The following CTNNA2 variants were observed in gnomAD, a reference collection of about 807,000 sequenced individuals.
The protein encoded by CTNNA2 is catenin alpha-2.
CTNNA2 carries 42 observed loss-of-function variants against 101.0 expected under a neutral mutation model. That is an observed-to-expected ratio of 0.42 (90% CI 0.32 to 0.54). The LOEUF is 0.54. CTNNA2 is among the 20% of genes least tolerant of loss of function. The pLI is 0.14. For synonymous variants in CTNNA2, 450 were observed against 456.4 expected (o/e 0.99, Z 0.18); for missense variants, 871 against 1,223.1 (o/e 0.71, Z 4.29).
At chr2:80,561,728 T>C (rs954500810) in intron 12 of CTNNA2, among the ~76,000 whole-genome samples, 9 of 152,172 alleles carry the variant, frequency 5.9e-5, no homozygotes, top group Non-Finnish European at 5.9e-5. Flanking sequence ...AATGGCAGTC[T>C]CTGCTCACTG....
intron 7 of CTNNA2, among the ~76,000 whole-genome samples, chr2:80,042,634 C>T (rs1696144065): frequency 6.6e-6 from 1 of 152,070 alleles, no homozygotes; most frequent in Non-Finnish European, 1.5e-5. Context: ...GAAAATGGAC[C>T]ATGGCCGATT....
chr2:80,210,953 T>G (rs1707852043), intron 7 of CTNNA2, among the ~76,000 whole-genome samples: 1 of 152,246 alleles, frequency 6.6e-6, no homozygotes, highest in African/African-American at 2.4e-5. Context: ...GATTTGCATT[T>G]CTCTGATGGC....
At chr2:79,240,228 T>TAA (rs1674609821) in intron 2 of CTNNA2, among the ~76,000 whole-genome samples, 1 of 150,338 alleles carries the variant, frequency 6.7e-6, no homozygotes, top group East Asian at 2.0e-4. Flanking sequence ...TTTTTTTTTT[T>TAA]AAACTTTTAA....
At chr2:79,920,611 A>G (rs139400467) in intron 7 of CTNNA2, among the ~76,000 whole-genome samples, 2,218 of 152,312 alleles carry the variant, frequency 0.015, 67 homozygotes, top group African/African-American at 0.051. Flanking sequence ...TTGGAACCCA[A>G]TGATTGATCT....
At chr2:79,699,832 C>CACACACGT (rs1553453392) in intron 2 of CTNNA2, among the ~76,000 whole-genome samples, 78 of 137,456 alleles carry the variant, frequency 5.7e-4, no homozygotes, top group African/African-American at 1.9e-3. Context: ...CACACACACA[C>CACACACGT]GTGTGTGTAT....
chr2:79,563,161 GTA>G (rs71385287), intron 1 of CTNNA2, among the ~76,000 whole-genome samples: 28,846 of 78,402 alleles, frequency 0.37, 3,370 homozygotes, highest in Admixed American at 0.51. Flanking sequence ...ATAAAGATGT[GTA>G]TATATATATA....
chr2:80,131,196 C>A (rs191584241), intron 7 of CTNNA2, among the ~76,000 whole-genome samples: 26 of 152,222 alleles, frequency 1.7e-4, no homozygotes, highest in Admixed American at 1.2e-3. Context: ...GTAGCCAGGA[C>A]TATTGGCGTG....
intron 3 of CTNNA2, among the ~76,000 whole-genome samples, chr2:79,363,899 G>T (rs1193307730): frequency 6.6e-6 from 1 of 152,190 alleles, no homozygotes; most frequent in Non-Finnish European, 1.5e-5. Flanking sequence ...AGAGAAGCAG[G>T]TCAAAGAGGA....
intron 1 of CTNNA2, among the ~76,000 whole-genome samples, chr2:79,644,851 T>C (rs1023921261): frequency 2.0e-5 from 3 of 152,210 alleles, no homozygotes; most frequent in African/African-American, 7.2e-5. Context: ...TCCTTACCTC[T>C]ATTGCCTCCC....
At chr2:79,214,360 G>T (rs1274626270) in intron 2 of CTNNA2, among the ~76,000 whole-genome samples, 1 of 152,124 alleles carries the variant, frequency 6.6e-6, no homozygotes, top group African/African-American at 2.4e-5. Context: ...GGATTGTGGA[G>T]GGAGGTATTG....
chr2:79,706,563 T>A (rs536664334), intron 2 of CTNNA2, among the ~76,000 whole-genome samples: 2 of 152,082 alleles, frequency 1.3e-5, no homozygotes, highest in African/African-American at 2.4e-5. Flanking sequence ...CTTGCCATCA[T>A]CTTTAAGGAG....
chr2:80,023,766 T>C (rs1455940465), intron 7 of CTNNA2, among the ~76,000 whole-genome samples: 1 of 152,190 alleles, frequency 6.6e-6, no homozygotes, highest in Non-Finnish European at 1.5e-5. Context: ...TTATAAATTA[T>C]AGTTGCTGCC....
At chr2:79,274,559 T>G in intron 2 of CTNNA2, among the ~76,000 whole-genome samples, 1 of 152,116 alleles carries the variant, frequency 6.6e-6, no homozygotes, top group Non-Finnish European at 1.5e-5. Context: ...TCTAATGTTT[T>G]ACTATATATC....
At chr2:79,550,895 C>T (rs1161623637) in intron 1 of CTNNA2, among the ~76,000 whole-genome samples, 2 of 152,140 alleles carry the variant, frequency 1.3e-5, no homozygotes, top group Non-Finnish European at 2.9e-5. Flanking sequence ...TGTGCCCTTC[C>T]CACTATATCT....
rs997014363 is a variant in CTNNA2 at position 79,911,894 on chromosome 2, T to C, written c.1056+2097T>C. The stretch of plus-strand genomic sequence containing the variant: ...TCATAATTCCTGTCCAGTGCACTCA[T>C]TTCTCCTGCTGCACAGTCAATTTGT... On this transcript the variant is annotated intron_variant, in intron 7 of 18. Transcript: ENST00000402739. 3.9e-5 allele frequency among the ~76,000 whole-genome samples: 6 copies of C among 152,184 alleles called. 1 individual carries two copies. The East Asian group carries it at 1.2e-3, about 29-fold the overall frequency.
intron 7 of CTNNA2, among the ~76,000 whole-genome samples, chr2:80,245,880 T>C (rs1172588032): frequency 1.6e-5 from 2 of 126,722 alleles, no homozygotes; most frequent in African/African-American, 5.5e-5. Context: ...CTGCAAGCTC[T>C]GCCTTCCGGA....
rs114712873 is a variant in CTNNA2, at chr2:80,239,474, G to A, written c.1057-153737G>A. Among the ~76,000 whole-genome samples the A allele has an allele frequency of 9.3e-3, 1,411 of 152,246 alleles. 22 individuals are homozygous for A. Among genetic ancestry groups the A allele is most frequent in the African/African-American group, 0.032 (1,341 of 41,544 alleles). On this transcript the variant is annotated intron_variant, in intron 7 of 18. Coordinates refer to ENST00000402739, the MANE Select transcript of CTNNA2 (RefSeq NM_001282597.3). ...CAATAGCCCCCCTCTTATCCACGGG[G>A]AATACGTTCCAAGCCCCGCAGTGGA...
intron 9 of CTNNA2, among the ~76,000 whole-genome samples, chr2:80,514,296 C>T (rs1239706718): frequency 6.6e-6 from 1 of 152,078 alleles, no homozygotes; most frequent in Non-Finnish European, 1.5e-5. Flanking sequence ...TGTGCAGGCC[C>T]CCTGGCAGCA....
At chr2:80,402,738 A>G (rs970269130) in intron 8 of CTNNA2, among the ~76,000 whole-genome samples, 1 of 148,470 alleles carries the variant, frequency 6.7e-6, no homozygotes, top group Non-Finnish European at 1.5e-5. Context: ...GCAAATTTAT[A>G]TATTTCTATA....
Sources: allele counts gnomAD v4.1 joint callset (sites outside exome capture counted in the v4.1 genomes callset), GRCh38; gene constraint gnomAD v4.1.1; transcripts MANE v1.5; gene names NCBI Gene and HGNC (gene_info 2026-07-23, HGNC 2026-07-21).